The following SLC14A2 variants were observed in gnomAD, a reference collection of about 807,000 sequenced individuals.
The protein encoded by SLC14A2 is urea transporter 2.
In SLC14A2, 91 loss-of-function variants were observed where a neutral mutation model predicts 104.6. The observed-to-expected ratio is 0.87, with a 90% CI of 0.73 to 1.04. The LOEUF is 1.04. SLC14A2 is among the 50% of genes least tolerant of loss of function. The pLI, the probability that SLC14A2 is intolerant of heterozygous loss-of-function variation, is 0.00. For missense variants in SLC14A2, 1,189 were observed against 1,156.0 expected (o/e 1.03, Z -0.41); for synonymous variants, 476 against 466.4 (o/e 1.02, Z -0.27).
At chr18:45,627,697 G>A (rs2045281491) in intron 4 of SLC14A2, among the ~76,000 whole-genome samples, 1 of 152,124 alleles carries the variant, frequency 6.6e-6, no homozygotes, top group African/African-American at 2.4e-5. Context: ...CCTCGCACTG[G>A]CTGGTGCAAA....
intron 1 of SLC14A2, chr18:45,447,710 G>A (rs1370502337): frequency 6.6e-6 from 1 of 152,130 alleles, no homozygotes; most frequent in East Asian, 1.9e-4. Flanking sequence ...ATAATGCATG[G>A]ACTTTGAGAT....
At chr18:45,207,808 A>T in the SLC14A2 span, among the ~76,000 whole-genome samples, 5 of 152,160 alleles carry the variant, frequency 3.3e-5, no homozygotes, top group Admixed American at 2.6e-4. Flanking sequence ...TTTAAAAAAA[A>T]GCTAGAGATG....
chr18:45,237,343 G>C (rs1275661280), intron 1 of SLC14A2, among the ~76,000 whole-genome samples: 1 of 152,104 alleles, frequency 6.6e-6, no homozygotes, highest in East Asian at 1.9e-4. Context: ...GAGTGTCCCT[G>C]GTTACGTATA....
chr18:45,531,723 T>G (rs2043691940), intron 2 of SLC14A2, among the ~76,000 whole-genome samples: 1 of 152,142 alleles, frequency 6.6e-6, no homozygotes, highest in Non-Finnish European at 1.5e-5. Flanking sequence ...CATTTGTCAA[T>G]TTTGGCTTTT....
At chr18:45,398,114 T>C (rs781560309) in intron 1 of SLC14A2, among the ~76,000 whole-genome samples, 2 of 152,130 alleles carry the variant, frequency 1.3e-5, no homozygotes, top group Non-Finnish European at 2.9e-5. Flanking sequence ...AATTACTTTA[T>C]ATATGGGAAA....
chr18:45,315,189 G>T (rs757130365), intron 1 of SLC14A2, among the ~76,000 whole-genome samples: 32 of 152,188 alleles, frequency 2.1e-4, no homozygotes, highest in Non-Finnish European at 4.4e-4. Flanking sequence ...GCCTCCAGAA[G>T]GGAGAAGTTG....
chr18:45,624,930 T>A, intron 2 of SLC14A2, 116 bp downstream of exon 2: 12 of 1,027,182 alleles, frequency 1.2e-5, no homozygotes, highest in Non-Finnish European at 1.7e-5. Flanking sequence ...GAAGTGCCAC[T>A]GTCAGTACAT....
At chr18:45,286,114 A>G (rs531016164) in intron 1 of SLC14A2, among the ~76,000 whole-genome samples, 3 of 152,124 alleles carry the variant, frequency 2.0e-5, no homozygotes, top group Non-Finnish European at 4.4e-5. Flanking sequence ...AAAAATCTTC[A>G]TTTTCACAGT....
chr18:45,256,558 TAAACTC>T (rs1422595239), intron 1 of SLC14A2, among the ~76,000 whole-genome samples: 1 of 152,224 alleles, frequency 6.6e-6, no homozygotes, highest in African/African-American at 2.4e-5. Context: ...AAGGAACAGT[TAAACTC>T]AATTCGGTGG....
intron 1 of SLC14A2, among the ~76,000 whole-genome samples, chr18:45,216,175 C>T (rs1299952633): frequency 6.6e-6 from 1 of 152,166 alleles, no homozygotes; most frequent in African/African-American, 2.4e-5. Flanking sequence ...AAGGCCAATT[C>T]AATCTTCTTT....
chr18:45,603,336 G>T (rs772051584), intron 2 of SLC14A2, among the ~76,000 whole-genome samples: 1 of 151,992 alleles, frequency 6.6e-6, no homozygotes, highest in South Asian at 2.1e-4. Flanking sequence ...AAGAACATGC[G>T]TGTGGTTTCC....
chr18:45,363,134 T>C (rs1368304354), intron 1 of SLC14A2, among the ~76,000 whole-genome samples: 1 of 152,188 alleles, frequency 6.6e-6, no homozygotes, highest in Non-Finnish European at 1.5e-5. Context: ...TATTGTTTTA[T>C]ACAGCCCCTC....
intron 1 of SLC14A2, among the ~76,000 whole-genome samples, chr18:45,479,569 G>A (rs1218826956): frequency 1.3e-5 from 2 of 152,130 alleles, no homozygotes; most frequent in Non-Finnish European, 2.9e-5. Flanking sequence ...TCTGTGCCAA[G>A]TTAGAGTACC....
At chr18:45,587,921 G>A (rs1156742682) in intron 2 of SLC14A2, among the ~76,000 whole-genome samples, 5 of 152,210 alleles carry the variant, frequency 3.3e-5, no homozygotes, top group Non-Finnish European at 7.4e-5. Flanking sequence ...AGATGCCACC[G>A]CTATCCCCAT....
intron 1 of SLC14A2, among the ~76,000 whole-genome samples, chr18:45,440,174 G>A (rs1230312237): frequency 2.0e-5 from 3 of 151,936 alleles, no homozygotes; most frequent in African/African-American, 7.3e-5. Context: ...CTTAGCCCTA[G>A]AACCTTGCTA....
intron 2 of SLC14A2, among the ~76,000 whole-genome samples, chr18:45,492,899 A>G (rs1230195436): frequency 1.3e-5 from 2 of 152,022 alleles, no homozygotes; most frequent in Admixed American, 6.6e-5. Context: ...TCAAACTTCA[A>G]CTTGAGACAA....
At chr18:45,266,115 G>A (rs78823642) in intron 1 of SLC14A2, among the ~76,000 whole-genome samples, 2,618 of 152,224 alleles carry the variant, frequency 0.017, 72 homozygotes, top group African/African-American at 0.058. Context: ...TCTCCTGAAG[G>A]TGATCTTGAC....
intron 1 of SLC14A2, among the ~76,000 whole-genome samples, chr18:45,301,274 A>T (rs2144191358): frequency 6.6e-6 from 1 of 152,306 alleles, no homozygotes; most frequent in South Asian, 2.1e-4. Flanking sequence ...TAGAACCCCG[A>T]CACTGTGGTT....
At chr18:45,241,105 G>A (rs1344231118) in intron 1 of SLC14A2, among the ~76,000 whole-genome samples, 1 of 152,182 alleles carries the variant, frequency 6.6e-6, no homozygotes, top group African/African-American at 2.4e-5. Flanking sequence ...ACAGCATGGA[G>A]CACCCAAGGT....
Sources: allele counts gnomAD v4.1 joint callset (sites outside exome capture counted in the v4.1 genomes callset), GRCh38; gene constraint gnomAD v4.1.1; transcripts MANE v1.5; gene names NCBI Gene and HGNC (gene_info 2026-07-23, HGNC 2026-07-21).